POLK: variants seen among roughly 807,000 people sequenced by gnomAD.
POLK encodes DNA polymerase kappa, also known as polymerase (DNA directed) kappa.
In POLK, 76 loss-of-function variants were observed where a neutral mutation model predicts 94.0. That is an observed-to-expected ratio of 0.81 (90% confidence interval 0.67 to 0.98). The LOEUF (loss-of-function observed/expected upper bound fraction) is 0.98, where lower values mean the gene tolerates loss of function less well. Ranked by LOEUF, POLK falls within the 50% of genes least tolerant of loss-of-function variation. The pLI is 0.00. For missense variants in POLK, 954 were observed against 1,010.1 expected (o/e 0.94, Z 0.75); for synonymous variants, 349 against 325.4 (o/e 1.07, Z -0.78).
chr5:75,551,270 A>C (rs1047642678), intron 2 of POLK, among the ~76,000 whole-genome samples: 1 of 151,980 alleles, frequency 6.6e-6, no homozygotes, highest in Non-Finnish European at 1.5e-5. Flanking sequence ...ACACTTCAGA[A>C]GACAGCAATA....
intron 3 of POLK, among the ~76,000 whole-genome samples, chr5:75,567,491 G>T (rs955913224): frequency 5.9e-5 from 9 of 152,300 alleles, no homozygotes; most frequent in African/African-American, 2.2e-4. Context: ...ACTGTAAGAA[G>T]TTAGCCTTCT....
At chr5:75,517,865 A>G (rs1357955472) in intron 1 of POLK, among the ~76,000 whole-genome samples, 1 of 152,170 alleles carries the variant, frequency 6.6e-6, no homozygotes, top group Non-Finnish European at 1.5e-5. Context: ...TGAATTTGTC[A>G]AATACTTTTT....
At chr5:75,585,251 G>A (rs1035975724) in intron 9 of POLK, among the ~76,000 whole-genome samples, 5 of 152,170 alleles carry the variant, frequency 3.3e-5, no homozygotes, top group South Asian at 2.1e-4. Context: ...AAAGATGGCC[G>A]TATTCCATAA....
exon 15 of POLK, chr5:75,597,967 G>T: frequency 6.6e-7 from 1 of 1,504,564 alleles, no homozygotes; most frequent in Non-Finnish European, 9.0e-7. Flanking sequence ...CAACATCAAA[G>T]AAAATAAAAC....
At chr5:75,572,110 G>T (rs1194375258) in intron 4 of POLK, among the ~76,000 whole-genome samples, 3 of 152,100 alleles carry the variant, frequency 2.0e-5, no homozygotes, top group African/African-American at 7.2e-5. Context: ...TTTCACTTGA[G>T]ATTCTAAATA....
At chr5:75,549,255 C>G (rs556716117) in intron 2 of POLK, among the ~76,000 whole-genome samples, 2 of 152,184 alleles carry the variant, frequency 1.3e-5, no homozygotes, top group Admixed American at 1.3e-4. Context: ...ATGTCCCTAT[C>G]TATCTGATCC....
intron 6 of POLK, 50 bp downstream of exon 6, chr5:75,576,983 ACCC>A: frequency 8.9e-7 from 1 of 1,125,864 alleles, no homozygotes; most frequent in Non-Finnish European, 1.2e-6. Flanking sequence ...AAAAAAAAAA[ACCC>A]ACAACTCTTT....
At chr5:75,528,604 G>C (rs765172117) in intron 1 of POLK, among the ~76,000 whole-genome samples, 3 of 151,610 alleles carry the variant, frequency 2.0e-5, no homozygotes, top group Non-Finnish European at 2.9e-5. Flanking sequence ...ATGAGGCCAG[G>C]AGTTTGAGAC....
intron 12 of POLK, among the ~76,000 whole-genome samples, chr5:75,595,248 GAAAAAAAAAA>G (rs58783164): frequency 3.6e-4 from 9 of 24,882 alleles, no homozygotes; most frequent in South Asian, 4.5e-3. Context: ...CTCCACCTCA[GAAAAAAAAAA>G]AAAAAAAAAA....
rs769746147 is a variant in POLK, at chr5:75,593,875, T to C, written c.1357-3T>C. Reference sequence around the variant, plus strand: ...AATAAATAACATATTGTATATGTTATAGGGTAGAACTGTTACCATTAAGTT... The same window carrying C: ...AATAAATAACATATTGTATATGTTACAGGGTAGAACTGTTACCATTAAGTT... On this transcript the variant is annotated splice_polypyrimidine_tract_variant and splice_region_variant and intron_variant, in intron 11 of 14. Coordinates refer to ENST00000241436, the Ensembl canonical transcript of POLK. The C allele has an allele frequency of 2.2e-5, 34 of 1,517,068 alleles. No individual in the cohort carries two copies. Among genetic ancestry groups the C allele is most frequent in the African/African-American group, 9.7e-5 (7 of 72,260 alleles). The allele number at this position is 1,517,068 out of a possible 1,614,324, so 94.0% of individuals were successfully genotyped here.
intron 1 of POLK, among the ~76,000 whole-genome samples, chr5:75,514,562 A>C (rs1768233120): frequency 6.6e-6 from 1 of 152,234 alleles, no homozygotes; most frequent in Non-Finnish European, 1.5e-5. Flanking sequence ...CAAGGTAGAC[A>C]TTATTCTTAC....
At chr5:75,547,502 T>A (rs560659560) in intron 2 of POLK, among the ~76,000 whole-genome samples, 1 of 152,324 alleles carries the variant, frequency 6.6e-6, no homozygotes, top group South Asian at 2.1e-4. Flanking sequence ...ATAAAGATCT[T>A]CATTCTTTGT....
At position 75,528,707 on chromosome 5, in the gene POLK, A is replaced by G. The variant is rs1420668428; in HGVS notation, c.-14+16793A>G. On this transcript the variant is annotated intron_variant, in intron 1 of 14. Transcript: ENST00000241436. The stretch of plus-strand genomic sequence containing the variant: ...ATACGTGTAGTCCTACCTGCTCTGG[A>G]GGCTGAGTCAGAAGGATCACTTAAG... 3.3e-5 allele frequency among the ~76,000 whole-genome samples: 5 copies of G among 152,026 alleles called. No individual in the cohort carries two copies. The South Asian group carries it at 1.0e-3, about 32-fold the overall frequency.
At position 75,567,753 on chromosome 5, in the gene POLK, G is replaced by A. The variant is rs1240677976; in HGVS notation, c.256-1587G>A. Among the ~76,000 whole-genome samples the A allele has an allele frequency of 3.9e-5, 6 of 152,160 alleles. No individual in the cohort carries two copies. In the East Asian group the frequency reaches 5.8e-4, roughly 15 times the overall value. ...GAGGACAGACATTCCATTAAGATACGAAGAGATATTTCAGCTGATCCTTGA... is the reference window on the plus strand; with the variant it reads ...GAGGACAGACATTCCATTAAGATACAAAGAGATATTTCAGCTGATCCTTGA... On this transcript the variant is annotated intron_variant, in intron 3 of 14. Coordinates refer to ENST00000241436, the Ensembl canonical transcript of POLK.
chr5:75,532,059 C>T (rs1769208369), intron 1 of POLK, among the ~76,000 whole-genome samples: 1 of 152,138 alleles, frequency 6.6e-6, no homozygotes, highest in South Asian at 2.1e-4. Flanking sequence ...AGATGGAAGT[C>T]CCATTCCATT....
chr5:75,544,852 T>C (rs1769931768), intron 1 of POLK, among the ~76,000 whole-genome samples: 1 of 152,160 alleles, frequency 6.6e-6, no homozygotes, highest in Non-Finnish European at 1.5e-5. Context: ...AGGCAAAATA[T>C]AGAGTAATTT....
At chr5:75,568,449 G>A (rs899198675) in intron 3 of POLK, among the ~76,000 whole-genome samples, 1 of 152,124 alleles carries the variant, frequency 6.6e-6, no homozygotes, top group Non-Finnish European at 1.5e-5. Flanking sequence ...CCACAAAAAT[G>A]GAAGTTAGAA....
At chr5:75,551,293 T>C (rs1322423100) in intron 2 of POLK, among the ~76,000 whole-genome samples, 2 of 149,292 alleles carry the variant, frequency 1.3e-5, no homozygotes, top group African/African-American at 5.0e-5. Flanking sequence ...AATAAAAAGA[T>C]AGGTCAGGTG....
intron 1 of POLK, among the ~76,000 whole-genome samples, chr5:75,532,368 G>A (rs1017569854): frequency 6.6e-6 from 1 of 151,990 alleles, no homozygotes; most frequent in African/African-American, 2.4e-5. Context: ...TGCTTAGTAT[G>A]ATGACCTCCA....
Sources: gnomAD v4.1 joint callset for allele counts (sites outside exome capture counted in the v4.1 genomes callset) on GRCh38, gnomAD v4.1.1 for gene constraint, MANE v1.5 for transcripts, NCBI Gene and HGNC (gene_info 2026-07-23, HGNC 2026-07-21) for gene names.